Variants in CEP128 observed in about 807,000 individuals in gnomAD.
The protein encoded by CEP128 is centrosomal protein 128.
CEP128 carries 132 observed loss-of-function variants against 156.7 expected under a neutral mutation model. The observed-to-expected ratio is 0.84, with a 90% CI of 0.73 to 0.97. The LOEUF (loss-of-function observed/expected upper bound fraction) is 0.97, where lower values mean the gene tolerates loss of function less well. Among genes scored for constraint, CEP128 ranks in the 50% least tolerant of loss-of-function variants. The pLI is 0.00. For synonymous variants in CEP128, 469 were observed against 448.9 expected, an observed-to-expected ratio of 1.04 and a Z score of -0.57; for missense variants, 1,252 against 1,281.9, an observed-to-expected ratio of 0.98 and a Z score of 0.36.
intron 19 of CEP128, among the ~76,000 whole-genome samples, chr14:80,687,795 T>C (rs1896577778): frequency 6.6e-6 from 1 of 152,114 alleles, no homozygotes; most frequent in African/African-American, 2.4e-5. Flanking sequence ...TCCCTCAAAA[T>C]GAGATCGCAC....
intron 19 of CEP128, among the ~76,000 whole-genome samples, chr14:80,646,580 G>A (rs531084404): frequency 1.9e-4 from 29 of 151,952 alleles, no homozygotes; most frequent in Admixed American, 5.3e-4. Flanking sequence ...TATACAACAT[G>A]TATATGTACA....
At chr14:80,571,287 T>C (rs1891131128) in intron 20 of CEP128, among the ~76,000 whole-genome samples, 1 of 152,202 alleles carries the variant, frequency 6.6e-6, no homozygotes, top group African/African-American at 2.4e-5. Context: ...TTGGTTCTTT[T>C]CTCACAGTGA....
intron 4 of CEP128, among the ~76,000 whole-genome samples, chr14:80,912,989 A>C (rs1028207213): frequency 6.6e-6 from 1 of 152,208 alleles, no homozygotes; most frequent in Non-Finnish European, 1.5e-5. Context: ...ACAGGACAGG[A>C]GTAAGCAATT....
intron 19 of CEP128, among the ~76,000 whole-genome samples, chr14:80,731,531 TG>T (rs1371886031): frequency 1.3e-5 from 2 of 152,240 alleles, no homozygotes; most frequent in Non-Finnish European, 2.9e-5. Flanking sequence ...TGTATAGGAC[TG>T]TGGGTAGCGA....
chr14:80,529,794 T>A (rs911540649), intron 22 of CEP128, among the ~76,000 whole-genome samples: 5 of 152,214 alleles, frequency 3.3e-5, no homozygotes, highest in Non-Finnish European at 5.9e-5. Flanking sequence ...AATCAAACAC[T>A]TGGTTTTGTT....
chr14:80,585,583 GA>G (rs1891786799), intron 19 of CEP128, among the ~76,000 whole-genome samples: 1 of 152,276 alleles, frequency 6.6e-6, no homozygotes, highest in East Asian at 1.9e-4. Context: ...GAAAGTTATA[GA>G]AACAGAGGCT....
exon 15 of CEP128, chr14:80,477,528 A>G (rs1409161030): frequency 6.6e-6 from 1 of 152,162 alleles, no homozygotes; most frequent in African/African-American, 2.4e-5. Context: ...ATACATCTAA[A>G]CCACGATGCA....
At chr14:80,868,565 A>T (rs796862479) in intron 8 of CEP128, among the ~76,000 whole-genome samples, 10 of 152,018 alleles carry the variant, frequency 6.6e-5, no homozygotes, top group African/African-American at 2.4e-4. Flanking sequence ...TCACAAAGGA[A>T]GACAGAGAGA....
At chr14:80,650,452 T>C (rs551445419) in intron 19 of CEP128, among the ~76,000 whole-genome samples, 18 of 152,300 alleles carry the variant, frequency 1.2e-4, no homozygotes, top group African/African-American at 4.3e-4. Flanking sequence ...TCCAAAACTA[T>C]GTTGAATACA....
intron 19 of CEP128, among the ~76,000 whole-genome samples, chr14:80,646,940 G>C (rs1282696153): frequency 1.4e-5 from 2 of 145,896 alleles, no homozygotes; most frequent in Non-Finnish European, 3.0e-5. Context: ...GTTTTTCAAA[G>C]AGCAATTTTT....
intron 19 of CEP128, among the ~76,000 whole-genome samples, chr14:80,665,774 A>T (rs1009342942): frequency 1.3e-5 from 2 of 152,192 alleles, no homozygotes; most frequent in Non-Finnish European, 2.9e-5. Context: ...CAAGATGGCT[A>T]AGAAAATGCA....
chr14:80,717,896 C>A (rs1056525910), intron 19 of CEP128, among the ~76,000 whole-genome samples: 3 of 152,156 alleles, frequency 2.0e-5, no homozygotes, highest in African/African-American at 7.2e-5. Flanking sequence ...CTCACTGCAG[C>A]CTCGACCTCT....
chr14:80,694,172 G>A (rs1566861207), intron 19 of CEP128, among the ~76,000 whole-genome samples: 1 of 152,046 alleles, frequency 6.6e-6, no homozygotes, highest in African/African-American at 2.4e-5. Context: ...CATCAACACT[G>A]GCCATTAGAG....
intron 19 of CEP128, among the ~76,000 whole-genome samples, chr14:80,643,216 T>A (rs1894494906): frequency 6.6e-6 from 1 of 152,178 alleles, no homozygotes; most frequent in Non-Finnish European, 1.5e-5. Flanking sequence ...TAAAACCTAA[T>A]TTAACTAGAT....
At chr14:80,695,006 T>G (rs1218796617) in intron 19 of CEP128, among the ~76,000 whole-genome samples, 1 of 152,066 alleles carries the variant, frequency 6.6e-6, no homozygotes, top group Non-Finnish European at 1.5e-5. Context: ...AATAGTTTGT[T>G]GCTTAAATTA....
At chr14:80,643,166 T>C (rs1471022732) in intron 19 of CEP128, among the ~76,000 whole-genome samples, 1 of 152,172 alleles carries the variant, frequency 6.6e-6, no homozygotes, top group African/African-American at 2.4e-5. Context: ...CTCAATCTTT[T>C]TAAATCATCA....
Position 80,862,999 on chromosome 14 carries a change from GC to G in CEP128, c.646-127del. On this transcript the variant is annotated intron_variant, in intron 8 of 24. Transcript: ENST00000555265. Reference sequence around the variant, plus strand: ...CATTTAAGATTGTTTTGTTTGCAAAGCCCCTTCTAATGACGCTAACATGAAA... The same window carrying G: ...CATTTAAGATTGTTTTGTTTGCAAAGCCCTTCTAATGACGCTAACATGAAA... 5.2e-6 allele frequency: 3 copies of G among 578,838 alleles called. No homozygotes were observed. In the South Asian group the frequency reaches 9.2e-5, roughly 18 times the overall value. 35.9% of individuals were successfully genotyped at this position (578,838 alleles called of 1,614,324 possible).
intron 13 of CEP128, among the ~76,000 whole-genome samples, chr14:80,821,194 T>G (rs1362242344): frequency 6.6e-6 from 1 of 152,232 alleles, no homozygotes; most frequent in Non-Finnish European, 1.5e-5. Context: ...CTTATGCCCT[T>G]AGAGAGAACT....
At chr14:80,699,231 A>AT (rs913739110) in intron 19 of CEP128, among the ~76,000 whole-genome samples, 1 of 152,200 alleles carries the variant, frequency 6.6e-6, no homozygotes, top group Non-Finnish European at 1.5e-5. Context: ...CTTGTCAGCC[A>AT]TGCTGCCAAG....
Sources: gnomAD v4.1 joint callset for allele counts (sites outside exome capture counted in the v4.1 genomes callset) on GRCh38, gnomAD v4.1.1 for gene constraint, MANE v1.5 for transcripts, NCBI Gene and HGNC (gene_info 2026-07-23, HGNC 2026-07-21) for gene names.